The following TMTC1 variants were observed in gnomAD, a reference collection of about 807,000 sequenced individuals.
TMTC1 encodes transmembrane O-mannosyltransferase targeting cadherins 1.
A neutral mutation model predicts 104.8 loss-of-function variants in TMTC1; 73 were observed. The ratio of observed to expected loss-of-function variants is 0.70; its 90% CI spans 0.58 to 0.85. The LOEUF (loss-of-function observed/expected upper bound fraction) is 0.85, where lower values mean the gene tolerates loss of function less well. Among genes scored for constraint, TMTC1 ranks in the 40% least tolerant of loss-of-function variants. The probability of loss-of-function intolerance (pLI) is 0.00; values close to 1 mark genes in which losing one functional copy is unlikely to be tolerated. For synonymous variants in TMTC1, 434 were observed against 428.7 expected (o/e 1.01, Z -0.15); for missense variants, 1,035 against 1,096.1 (o/e 0.94, Z 0.79).
intron 5 of TMTC1, among the ~76,000 whole-genome samples, chr12:29,715,252 T>C (rs557405919): frequency 6.6e-5 from 10 of 152,346 alleles, no homozygotes; most frequent in African/African-American, 2.2e-4. Flanking sequence ...ATGAGTCATT[T>C]TTTGGCACAT....
At chr12:29,573,477 G>A (rs1475540602) in intron 8 of TMTC1, among the ~76,000 whole-genome samples, 2 of 152,170 alleles carry the variant, frequency 1.3e-5, no homozygotes, top group Non-Finnish European at 2.9e-5. Flanking sequence ...TATGGTTAGA[G>A]TCCCAGCCCT....
chr12:29,653,992 A>G (rs1276553137), intron 5 of TMTC1, among the ~76,000 whole-genome samples: 1 of 152,244 alleles, frequency 6.6e-6, no homozygotes, highest in Non-Finnish European at 1.5e-5. Flanking sequence ...AAATGTGAGA[A>G]AAAGATACTT....
chr12:29,509,537 G>T (rs901889012), intron 17 of TMTC1, among the ~76,000 whole-genome samples: 1 of 152,148 alleles, frequency 6.6e-6, no homozygotes, highest in Non-Finnish European at 1.5e-5. Context: ...ACCTGGCAAT[G>T]GAAAAGACAC....
chr12:29,721,530 C>T (rs144431440), intron 5 of TMTC1, among the ~76,000 whole-genome samples: 1,660 of 151,970 alleles, frequency 0.011, 37 homozygotes, highest in African/African-American at 0.037. Context: ...CCAATAGCAC[C>T]GCCTGAAAAT....
At chr12:29,763,476 C>T (rs1052273231) in intron 2 of TMTC1, among the ~76,000 whole-genome samples, 1 of 152,206 alleles carries the variant, frequency 6.6e-6, no homozygotes, top group Non-Finnish European at 1.5e-5. Flanking sequence ...GTGTTTAACT[C>T]CAGTTAACAA....
intron 6 of TMTC1, among the ~76,000 whole-genome samples, chr12:29,612,365 T>C: frequency 6.6e-6 from 1 of 152,198 alleles, no homozygotes; most frequent in East Asian, 1.9e-4. Flanking sequence ...GTACTCTGAA[T>C]GCATGTGTGA....
At chr12:29,736,910 C>G (rs987955620) in intron 5 of TMTC1, among the ~76,000 whole-genome samples, 2 of 152,186 alleles carry the variant, frequency 1.3e-5, no homozygotes, top group Non-Finnish European at 2.9e-5. Context: ...TCAGAAATGC[C>G]ACACGTAAAG....
chr12:29,556,449 C>CCA (rs1166721698), intron 10 of TMTC1, among the ~76,000 whole-genome samples: 2 of 152,182 alleles, frequency 1.3e-5, no homozygotes, highest in East Asian at 3.9e-4. Flanking sequence ...TGCCTTCCCT[C>CCA]CACACACACA....
At chr12:29,553,566 A>G (rs1430033959) in intron 10 of TMTC1, among the ~76,000 whole-genome samples, 2 of 152,136 alleles carry the variant, frequency 1.3e-5, no homozygotes, top group African/African-American at 4.8e-5. Context: ...ACTCATTGTA[A>G]GGGCATCATG....
intron 5 of TMTC1, among the ~76,000 whole-genome samples, chr12:29,725,701 T>A (rs2136898780): frequency 6.6e-6 from 1 of 152,336 alleles, no homozygotes; most frequent in African/African-American, 2.4e-5. Context: ...GCTCCAGTAA[T>A]GAAGTTTTTG....
intron 5 of TMTC1, among the ~76,000 whole-genome samples, chr12:29,634,980 T>A (rs1439832167): frequency 2.6e-5 from 4 of 152,128 alleles, no homozygotes; most frequent in Non-Finnish European, 5.9e-5. Context: ...TCCACAGCCA[T>A]CAGGCTGCAG....
At chr12:29,578,936 C>G (rs1945900053) in intron 8 of TMTC1, among the ~76,000 whole-genome samples, 1 of 152,152 alleles carries the variant, frequency 6.6e-6, no homozygotes, top group South Asian at 2.1e-4. Context: ...TACTTTAAAT[C>G]AAGTGCTGGG....
chr12:29,547,250 G>A (rs1944967014), intron 10 of TMTC1, among the ~76,000 whole-genome samples: 2 of 152,158 alleles, frequency 1.3e-5, no homozygotes, highest in Admixed American at 6.5e-5. Flanking sequence ...CACTTCCTGG[G>A]CAGCTCTGTC....
intron 7 of TMTC1, among the ~76,000 whole-genome samples, chr12:29,593,593 T>C (rs1284273604): frequency 6.6e-6 from 1 of 152,244 alleles, no homozygotes; most frequent in Non-Finnish European, 1.5e-5. Flanking sequence ...TGAACTATTG[T>C]AGTCACGTGT....
intron 2 of TMTC1, 119 bp downstream of exon 2, chr12:29,767,778 AC>A: frequency 3.3e-6 from 3 of 921,886 alleles, no homozygotes; most frequent in Non-Finnish European, 4.7e-6. Context: ...ATCTATATAC[AC>A]ACACATATCT....
intron 5 of TMTC1, among the ~76,000 whole-genome samples, chr12:29,702,962 T>G (rs1046571417): frequency 2.0e-5 from 3 of 151,766 alleles, no homozygotes; most frequent in Admixed American, 2.0e-4. Context: ...CCGGGCAACA[T>G]GGTGAAACTG....
At chr12:29,549,553 AAC>A (rs1193614456) in intron 10 of TMTC1, among the ~76,000 whole-genome samples, 1 of 152,156 alleles carries the variant, frequency 6.6e-6, no homozygotes. Context: ...TTTAAAAAAA[AAC>A]ACACAAACAC....
chr12:29,784,742 A>G (rs1248863299), upstream of TMTC1: 1 of 152,128 alleles, frequency 6.6e-6, no homozygotes, highest in African/African-American at 2.4e-5. Flanking sequence ...GATGCCAAGC[A>G]AACTACTTTT....
rs528436830 is a variant in TMTC1, at chr12:29,516,682, T to C, written c.2170-196A>G. 4.4e-4 allele frequency among the ~76,000 whole-genome samples: 67 copies of C among 152,340 alleles called. 1 individual carries two copies. In the South Asian group the frequency reaches 0.013, roughly 30 times the overall value. Reference sequence around the variant, plus strand: ...TTGTTTCTTTATTTAGTTTTGTGCATGCATTTGTGAGTGAGTGGCAGAAAC... The same window carrying C: ...TTGTTTCTTTATTTAGTTTTGTGCACGCATTTGTGAGTGAGTGGCAGAAAC... On this transcript the variant is annotated intron_variant, in intron 14 of 17. Coordinates refer to ENST00000539277, the MANE Select transcript of TMTC1 (RefSeq NM_001193451.2).
Sources: gnomAD v4.1 joint callset for allele counts (sites outside exome capture counted in the v4.1 genomes callset) on GRCh38, gnomAD v4.1.1 for gene constraint, MANE v1.5 for transcripts, NCBI Gene and HGNC (gene_info 2026-07-23, HGNC 2026-07-21) for gene names.